Variants in PSMB1 observed in about 807,000 individuals in gnomAD.
PSMB1 encodes proteasome 20S subunit beta 1, also known as proteasome subunit beta type-1.
In PSMB1, 7 loss-of-function variants were observed where a neutral mutation model predicts 25.4. The observed-to-expected ratio is 0.28, with a 90% CI of 0.16 to 0.52. PSMB1 has a LOEUF of 0.52. Ranked by LOEUF, PSMB1 falls within the 20% of genes least tolerant of loss-of-function variation. PSMB1 has a pLI of 0.97. For missense variants in PSMB1, 284 were observed against 302.2 expected (o/e 0.94, Z 0.45); for synonymous variants, 119 against 115.0 (o/e 1.03, Z -0.22).
In PSMB1 at chr6:170,543,573, A is replaced by C. The variant is rs1156376949; in HGVS notation, c.433+28T>G. 6 of 1,578,556 alleles carry C rather than the reference A, an allele frequency of 3.8e-6. No homozygotes were observed. The African/African-American group carries it at 4.1e-5, about 11-fold the overall frequency. ...TAGGGAATAATAACTCCTCCCCCCC[A>C]CCATTTTCCAGAAAGAAGGAATTCT... On this transcript the variant is annotated intron_variant, in intron 4 of 5. Coordinates refer to ENST00000262193, the MANE Select transcript of PSMB1 (RefSeq NM_002793.4).
intron 1 of PSMB1, chr6:170,549,331 C>G (rs1001719705): frequency 4.2e-6 from 2 of 477,252 alleles, no homozygotes; most frequent in Non-Finnish European, 7.4e-6. Context: ...AGGGCAAAGT[C>G]TCCTTGGCAG....
At chr6:170,538,154 T>G (rs1778717141) in intron 4 of PSMB1, among the ~76,000 whole-genome samples, 1 of 152,254 alleles carries the variant, frequency 6.6e-6, no homozygotes, top group South Asian at 2.1e-4. Context: ...CATGTGCTTC[T>G]ATCTTATTTG....
At chr6:170,537,387 CCCAAATCA>C in intron 4 of PSMB1, 47 bp from the exon 5 acceptor site, 1 of 1,448,202 alleles carries the variant, frequency 6.9e-7, no homozygotes, top group East Asian at 2.3e-5. Context: ...CAATCACAAT[CCCAAATCA>C]TCGCAAAAAT....
intron 1 of PSMB1, chr6:170,550,442 T>C (rs1778876689): frequency 1.3e-5 from 2 of 152,212 alleles, no homozygotes; most frequent in African/African-American, 4.8e-5. Flanking sequence ...TGAGCAAGAA[T>C]GATCTGTAGT....
intron 2 of PSMB1, among the ~76,000 whole-genome samples, chr6:170,547,867 T>C (rs1198579325): frequency 7.8e-6 from 1 of 128,294 alleles, no homozygotes; most frequent in South Asian, 2.5e-4. Flanking sequence ...TATCTCTATA[T>C]CTGACGTGTT....
intron 4 of PSMB1, among the ~76,000 whole-genome samples, chr6:170,541,068 C>T (rs1425439829): frequency 1.3e-5 from 2 of 151,984 alleles, no homozygotes; most frequent in Non-Finnish European, 2.9e-5. Flanking sequence ...AAAAAGGTCC[C>T]GTTTTGTTTT....
rs1161795332 is a variant in PSMB1, at chr6:170,543,617, A to G, written c.417T>C (p.Gly139=). ...FFPYYVYNII[G]GLDEEGKGAV... is the part of the protein sequence containing the mutation. The stretch of plus-strand genomic sequence containing the variant: ...GAATTCTACCTTCTTCATCAAGTCC[A>G]CCGATGATGTTGTAAACATAGTATG... Residue 139 remains glycine, a synonymous_variant, in exon 4 of 6, where the codon GGT becomes GGC. Transcript: ENST00000262193. 6.2e-7 allele frequency: 1 copy of G among 1,609,480 alleles called. No homozygotes were observed.
At chr6:170,548,422 T>C (rs1221465714) in intron 2 of PSMB1, among the ~76,000 whole-genome samples, 2 of 152,194 alleles carry the variant, frequency 1.3e-5, no homozygotes, top group African/African-American at 4.8e-5. Flanking sequence ...ATTTTCATGT[T>C]TTAGGAAAAA....
chr6:170,544,314 C>A (rs1266335405), intron 3 of PSMB1, among the ~76,000 whole-genome samples: 1 of 152,284 alleles, frequency 6.6e-6, no homozygotes, highest in South Asian at 2.1e-4. Context: ...CAGGGCAGCA[C>A]CCTTACTCTG....
chr6:170,540,909 G>T (rs1285997082), intron 4 of PSMB1, among the ~76,000 whole-genome samples: 1 of 152,108 alleles, frequency 6.6e-6, no homozygotes, highest in African/African-American at 2.4e-5. Flanking sequence ...AATCCAGGTG[G>T]TTGTGGAGAA....
intron 4 of PSMB1, among the ~76,000 whole-genome samples, chr6:170,538,537 A>G (rs1778721084): frequency 6.6e-6 from 1 of 152,130 alleles, no homozygotes; most frequent in South Asian, 2.1e-4. Flanking sequence ...CATCTCTACT[A>G]AAAATACAAA....
At position 170,549,097 on chromosome 6, in the gene PSMB1, C is replaced by G; in HGVS notation, c.130G>C (p.Ala44Pro). Residue 44 changes from alanine to proline, a missense_variant, in exon 2 of 6, where the codon GCT becomes CCT. Physicochemically the swap from Ala to Pro is conservative, Grantham distance 27. Coordinates refer to ENST00000262193, the MANE Select transcript of PSMB1 (RefSeq NM_002793.4). ...GCAACAATTGCAAAATCTTCTCCAG[C>G]AATTGCCAGTATAGTACTGAGGAAA... ...VFNGGTILAI[A>P]GEDFAIVASD... The G allele has an allele frequency of 6.2e-7, 1 of 1,612,612 alleles. No homozygotes were observed. The highest frequency in any genetic ancestry group is 1.1e-5 in the South Asian group (1 of 91,050).
intron 4 of PSMB1, among the ~76,000 whole-genome samples, chr6:170,540,342 A>T (rs1200880501): frequency 6.6e-6 from 1 of 152,184 alleles, no homozygotes; most frequent in Admixed American, 6.5e-5. Context: ...CATGAAATGG[A>T]AAGTTGATGT....
At chr6:170,545,713 G>C (rs912965667) in intron 3 of PSMB1, among the ~76,000 whole-genome samples, 3 of 152,198 alleles carry the variant, frequency 2.0e-5, no homozygotes, top group African/African-American at 7.2e-5. Context: ...GCACTGTAAA[G>C]AGGAAAAGCT....
Position 170,549,082 on chromosome 6 carries a change from C to G in PSMB1, c.145G>C (p.Ala49Pro). The G allele has an allele frequency of 6.2e-7, 1 of 1,613,576 alleles. No homozygotes were observed. The highest frequency in any genetic ancestry group is 8.5e-7 in the Non-Finnish European group (1 of 1,179,724). Residue 49 changes from alanine to proline, a missense_variant, in exon 2 of 6, where the codon GCA becomes CCA. Physicochemically the swap from Ala to Pro is conservative, Grantham distance 27. Coordinates refer to ENST00000262193, the MANE Select transcript of PSMB1 (RefSeq NM_002793.4). ...AATCGAGTATCAGAAGCAACAATTGCAAAATCTTCTCCAGCAATTGCCAGT... is the reference window on the plus strand; with the variant it reads ...AATCGAGTATCAGAAGCAACAATTGGAAAATCTTCTCCAGCAATTGCCAGT... ...TILAIAGEDF[A>P]IVASDTRLSE...
Position 170,538,376 on chromosome 6 carries a change from C to G in PSMB1, c.434-1036G>C, listed in dbSNP as rs544901135. Among the ~76,000 whole-genome samples the G allele has an allele frequency of 1.1e-4, 17 of 152,290 alleles. No individual in the cohort carries two copies. The South Asian group carries it at 3.5e-3, about 32-fold the overall frequency. Reference sequence around the variant, plus strand: ...CCTTACTAACCATGTACAACTGCCACTGTTAGCTTTGTATGTTTTCTACTA... The same window carrying G: ...CCTTACTAACCATGTACAACTGCCAGTGTTAGCTTTGTATGTTTTCTACTA... On this transcript the variant is annotated intron_variant, in intron 4 of 5. Coordinates refer to ENST00000262193, the MANE Select transcript of PSMB1 (RefSeq NM_002793.4).
At position 170,545,998 on chromosome 6, in the gene PSMB1, T is replaced by A. The variant is rs147998507; in HGVS notation, c.303+105A>T. 138 of 897,854 alleles carry A rather than the reference T, an allele frequency of 1.5e-4. No individual in the cohort carries two copies. In the East Asian group the frequency reaches 3.2e-3, roughly 21 times the overall value. The allele number at this position is 897,854 out of a possible 1,614,324, so 55.6% of individuals were successfully genotyped here. A position where few individuals can be genotyped will look rare whatever the true frequency, so the allele number is the denominator to read the frequency against. ...TACATTTGTAATTCATCTACTAACC[T>A]AGTGACTCTCTAGCTATCTGACCAA... On this transcript the variant is annotated intron_variant, in intron 3 of 5. Coordinates refer to ENST00000262193, the MANE Select transcript of PSMB1 (RefSeq NM_002793.4).
intron 1 of PSMB1, among the ~76,000 whole-genome samples, chr6:170,551,644 C>T (rs1778903790): frequency 6.6e-6 from 1 of 152,130 alleles, no homozygotes; most frequent in Non-Finnish European, 1.5e-5. Flanking sequence ...AATAACCCTC[C>T]CTACAATATA....
intron 5 of PSMB1, among the ~76,000 whole-genome samples, chr6:170,536,132 C>T (rs1778688453): frequency 6.6e-6 from 1 of 152,156 alleles, no homozygotes; most frequent in Non-Finnish European, 1.5e-5. Flanking sequence ...CTCAGGCCCA[C>T]TGACACATAA....
Sources: allele counts gnomAD v4.1 joint callset (sites outside exome capture counted in the v4.1 genomes callset), GRCh38; gene constraint gnomAD v4.1.1; transcripts MANE v1.5; gene names NCBI Gene and HGNC (gene_info 2026-07-23, HGNC 2026-07-21).